The following TSPAN5 variants were observed in gnomAD, a reference collection of about 807,000 sequenced individuals.
TSPAN5 encodes the protein tetraspanin 5.
A neutral mutation model predicts 37.1 loss-of-function variants in TSPAN5; 10 were observed. That is an observed-to-expected ratio of 0.27 (90% confidence interval 0.17 to 0.46). The LOEUF (loss-of-function observed/expected upper bound fraction) is 0.46. TSPAN5 is among the 20% of genes least tolerant of loss of function. TSPAN5 has a pLI of 1.00. For synonymous variants in TSPAN5, 110 were observed against 118.9 expected (o/e 0.93, Z 0.48); for missense variants, 195 against 326.6 (o/e 0.60, Z 3.11).
intron 1 of TSPAN5, among the ~76,000 whole-genome samples, chr4:98,591,047 T>C (rs1755620945): frequency 1.3e-5 from 2 of 151,502 alleles, no homozygotes; most frequent in Non-Finnish European, 2.9e-5. Context: ...AACTTTGCCC[T>C]GCCATGCTTT....
intron 3 of TSPAN5, chr4:98,483,783 T>G (rs1465929681): frequency 1.3e-5 from 2 of 152,338 alleles, no homozygotes; most frequent in African/African-American, 4.8e-5. Flanking sequence ...AGAAATGGAA[T>G]TTAAACAGTT....
intron 1 of TSPAN5, among the ~76,000 whole-genome samples, chr4:98,635,201 C>G (rs1756828181): frequency 6.6e-6 from 1 of 152,186 alleles, no homozygotes; most frequent in Non-Finnish European, 1.5e-5. Context: ...GTCATTCATG[C>G]ATTCAAAACA....
intron 1 of TSPAN5, among the ~76,000 whole-genome samples, chr4:98,531,233 C>T (rs777651548): frequency 1.4e-4 from 22 of 152,064 alleles, no homozygotes; most frequent in Admixed American, 5.2e-4. Flanking sequence ...CCCTACCCCA[C>T]GACAGGCCCC....
At chr4:98,507,420 A>G (rs1046803033) in intron 2 of TSPAN5, among the ~76,000 whole-genome samples, 1 of 152,238 alleles carries the variant, frequency 6.6e-6, no homozygotes, top group Non-Finnish European at 1.5e-5. Context: ...TCTTTGGCTA[A>G]CTGATCAAAT....
chr4:98,580,887 C>G (rs1579006819), intron 1 of TSPAN5, among the ~76,000 whole-genome samples: 1 of 152,270 alleles, frequency 6.6e-6, no homozygotes, highest in Admixed American at 6.5e-5. Flanking sequence ...TTCCTATAGT[C>G]TTTTCCCTCT....
rs183951783 is a variant in TSPAN5, at chr4:98,656,609, C to T, written c.81+1537G>A. Among the ~76,000 whole-genome samples, 385 of 152,274 alleles carry T rather than the reference C, an allele frequency of 2.5e-3. 1 individual carries two copies. The highest frequency in any genetic ancestry group is 7.0e-3 in the Admixed American group (107 of 15,292). ...TGTTTAATTGCAGGGAGGTGGGTGA[C>T]TGCTCCCGGGAATCATGCACAACAC... On this transcript the variant is annotated intron_variant, in intron 1 of 7. Transcript: ENST00000305798.
At chr4:98,511,746 A>G (rs1459951046) in intron 1 of TSPAN5, among the ~76,000 whole-genome samples, 1 of 152,204 alleles carries the variant, frequency 6.6e-6, no homozygotes, top group African/African-American at 2.4e-5. Flanking sequence ...TACTGGGTCA[A>G]ATATTTAAAT....
At chr4:98,548,673 C>A (rs900732742) in intron 1 of TSPAN5, among the ~76,000 whole-genome samples, 1 of 152,128 alleles carries the variant, frequency 6.6e-6, no homozygotes, top group Non-Finnish European at 1.5e-5. Context: ...CACCTCCCTC[C>A]CATCCTCCCA....
chr4:98,608,822 A>C (rs1756104738), intron 1 of TSPAN5, among the ~76,000 whole-genome samples: 1 of 152,148 alleles, frequency 6.6e-6, no homozygotes, highest in African/African-American at 2.4e-5. Context: ...GACTTTTCCC[A>C]CTAAGTCCAC....
intron 1 of TSPAN5, among the ~76,000 whole-genome samples, chr4:98,570,461 TAAC>T (rs1755094322): frequency 6.6e-6 from 1 of 152,202 alleles, no homozygotes; most frequent in Non-Finnish European, 1.5e-5. Flanking sequence ...CAATTCATAT[TAAC>T]AATTACTTTC....
chr4:98,543,419 ATTT>A (rs55834948), intron 1 of TSPAN5, among the ~76,000 whole-genome samples: 1 of 147,748 alleles, frequency 6.8e-6, no homozygotes, highest in East Asian at 2.0e-4. Context: ...CTACTTTAGA[ATTT>A]TTTTTTTTTT....
chr4:98,653,813 T>C (rs12512621), intron 1 of TSPAN5, among the ~76,000 whole-genome samples: 5,667 of 152,304 alleles, frequency 0.037, 200 homozygotes, highest in Admixed American at 0.11. Context: ...AGTGCCTTAA[T>C]ACAGTAGACT....
intron 1 of TSPAN5, among the ~76,000 whole-genome samples, chr4:98,609,127 AAAG>A (rs1756115281): frequency 6.6e-6 from 1 of 152,176 alleles, no homozygotes; most frequent in African/African-American, 2.4e-5. Flanking sequence ...AAAAAAATGA[AAAG>A]AAAAAAAACC....
At chr4:98,519,368 ATG>A (rs1753805226) in intron 1 of TSPAN5, among the ~76,000 whole-genome samples, 1 of 152,042 alleles carries the variant, frequency 6.6e-6, no homozygotes, top group South Asian at 2.1e-4. Flanking sequence ...GCATGGTGGT[ATG>A]TGTCTGTGGT....
intron 1 of TSPAN5, among the ~76,000 whole-genome samples, chr4:98,617,414 A>G (rs1036613279): frequency 6.6e-6 from 1 of 152,168 alleles, no homozygotes; most frequent in Non-Finnish European, 1.5e-5. Context: ...TAATTATTCC[A>G]AAAAGGTATC....
intron 2 of TSPAN5, among the ~76,000 whole-genome samples, chr4:98,488,730 GA>G (rs1299256952): frequency 6.6e-6 from 1 of 152,148 alleles, no homozygotes; most frequent in African/African-American, 2.4e-5. Context: ...ATGATGCTGA[GA>G]AAAAACTTGC....
chr4:98,601,969 G>A (rs1755894063), intron 1 of TSPAN5, among the ~76,000 whole-genome samples: 1 of 152,166 alleles, frequency 6.6e-6, no homozygotes, highest in African/African-American at 2.4e-5. Flanking sequence ...GACAAGAATG[G>A]CCAGTCGGTG....
At chr4:98,601,662 T>A (rs1319451461) in intron 1 of TSPAN5, among the ~76,000 whole-genome samples, 1 of 152,224 alleles carries the variant, frequency 6.6e-6, no homozygotes, top group Non-Finnish European at 1.5e-5. Flanking sequence ...TTTCTCCATA[T>A]CAGCAATAAG....
chr4:98,609,094 G>A (rs879614183), intron 1 of TSPAN5, among the ~76,000 whole-genome samples: 1 of 152,062 alleles, frequency 6.6e-6, no homozygotes, highest in Non-Finnish European at 1.5e-5. Flanking sequence ...GTGGTCTAGA[G>A]GGTAGTAACA....
Sources: allele counts gnomAD v4.1 joint callset (sites outside exome capture counted in the v4.1 genomes callset), GRCh38; gene constraint gnomAD v4.1.1; transcripts MANE v1.5; gene names NCBI Gene and HGNC (gene_info 2026-07-23, HGNC 2026-07-21).